Variants in AMPH observed in about 807,000 individuals in gnomAD.
AMPH encodes the protein amphiphysin.
Under a neutral mutation model 99.1 loss-of-function variants are expected in AMPH, and 49 were observed. That is an observed-to-expected ratio of 0.49 (90% CI 0.39 to 0.63). The LOEUF (loss-of-function observed/expected upper bound fraction) is 0.63. Among genes scored for constraint, AMPH ranks in the 20% least tolerant of loss-of-function variants. The pLI is 0.00. For synonymous variants in AMPH, 314 were observed against 317.3 expected (o/e 0.99, Z 0.11); for missense variants, 759 against 863.4 (o/e 0.88, Z 1.52).
At chr7:38,387,641 G>T (rs1293824549) in intron 20 of AMPH, among the ~76,000 whole-genome samples, 1 of 151,844 alleles carries the variant, frequency 6.6e-6, no homozygotes, top group Non-Finnish European at 1.5e-5. Flanking sequence ...CTATCAAGAA[G>T]TCCAACTTAA....
intron 15 of AMPH, among the ~76,000 whole-genome samples, chr7:38,424,368 A>G (rs565403007): frequency 6.6e-6 from 1 of 152,372 alleles, no homozygotes; most frequent in African/African-American, 2.4e-5. Flanking sequence ...ATTTTGCAAA[A>G]ATAATTCAAA....
In AMPH at chr7:38,528,223, G is replaced by T. The variant is rs562557720; in HGVS notation, c.150+6708C>A. On this transcript the variant is annotated intron_variant, in intron 2 of 20. Coordinates refer to ENST00000356264, the MANE Select transcript of AMPH (RefSeq NM_001635.4). Reference sequence around the variant, plus strand: ...GTTTTCTTTTTTTCATACTATTGTTGTCTGGTTTTGGTATCAAGGTAATAC... The same window carrying T: ...GTTTTCTTTTTTTCATACTATTGTTTTCTGGTTTTGGTATCAAGGTAATAC... Among the ~76,000 whole-genome samples, 8 of 152,050 alleles carry T rather than the reference G, an allele frequency of 5.3e-5. No homozygotes were observed. In the South Asian group the frequency reaches 1.7e-3, roughly 32 times the overall value.
chr7:38,553,312 C>G (rs1791243324), intron 1 of AMPH, among the ~76,000 whole-genome samples: 1 of 152,196 alleles, frequency 6.6e-6, no homozygotes, highest in Admixed American at 6.5e-5. Context: ...CCTCTTGAAC[C>G]ATCTGTGCTG....
chr7:38,524,370 A>T (rs572707066), intron 2 of AMPH, among the ~76,000 whole-genome samples: 32 of 152,294 alleles, frequency 2.1e-4, no homozygotes, highest in Admixed American at 1.8e-3. Context: ...CCTTTAAAAA[A>T]CACAATTAGG....
At chr7:38,574,784 C>T (rs191226180) in intron 1 of AMPH, among the ~76,000 whole-genome samples, 85 of 151,966 alleles carry the variant, frequency 5.6e-4, no homozygotes, top group Middle Eastern at 3.4e-3. Context: ...GGCCAGGCGC[C>T]GTGGCTCACA....
intron 1 of AMPH, among the ~76,000 whole-genome samples, chr7:38,620,266 T>TCTCCTTCC (rs1254523707): frequency 4.0e-5 from 6 of 151,836 alleles, no homozygotes; most frequent in Admixed American, 1.3e-4. Flanking sequence ...TCACTCTCTC[T>TCTCCTTCC]CTCCTTCCCT....
chr7:38,534,499 C>A (rs1379525932), intron 2 of AMPH, among the ~76,000 whole-genome samples: 1 of 151,952 alleles, frequency 6.6e-6, no homozygotes, highest in Non-Finnish European at 1.5e-5. Context: ...ATGGCAAAAC[C>A]CCATCTCTAC....
intron 3 of AMPH, among the ~76,000 whole-genome samples, chr7:38,495,151 G>C (rs894053281): frequency 9.9e-5 from 15 of 152,134 alleles, no homozygotes; most frequent in Admixed American, 2.6e-4. Context: ...TGCAAAGTGT[G>C]ACTTTAATTG....
intron 2 of AMPH, among the ~76,000 whole-genome samples, chr7:38,516,666 G>C (rs1321757950): frequency 6.6e-6 from 1 of 152,222 alleles, no homozygotes; most frequent in African/African-American, 2.4e-5. Flanking sequence ...GCTGTGAGAA[G>C]AGGGCCACAG....
chr7:38,433,708 G>A (rs1297769958), intron 12 of AMPH, among the ~76,000 whole-genome samples: 1 of 44,658 alleles, frequency 2.2e-5, no homozygotes, highest in Non-Finnish European at 3.6e-5. Context: ...CTGGGCAACA[G>A]AGCGAGACTC....
At chr7:38,603,706 C>T (rs1793335007) in intron 1 of AMPH, among the ~76,000 whole-genome samples, 1 of 152,128 alleles carries the variant, frequency 6.6e-6, no homozygotes, top group South Asian at 2.1e-4. Context: ...CCCAGCATGC[C>T]AAGGGCTTGT....
intron 1 of AMPH, among the ~76,000 whole-genome samples, chr7:38,546,517 A>C (rs1285734610): frequency 6.6e-6 from 1 of 152,230 alleles, no homozygotes; most frequent in African/African-American, 2.4e-5. Context: ...TGGATATTTT[A>C]TAATAAAAAG....
intron 11 of AMPH, among the ~76,000 whole-genome samples, chr7:38,460,410 T>C (rs1787394833): frequency 6.6e-6 from 1 of 152,194 alleles, no homozygotes; most frequent in Non-Finnish European, 1.5e-5. Flanking sequence ...CACAGCACTA[T>C]TGATAACAGT....
chr7:38,390,194 T>C (rs1264826565), intron 19 of AMPH, among the ~76,000 whole-genome samples: 1 of 152,260 alleles, frequency 6.6e-6, no homozygotes, highest in African/African-American at 2.4e-5. Context: ...TTATCGCTGA[T>C]GCTTTATTAC....
At position 38,473,576 on chromosome 7, in the gene AMPH, C is replaced by T. The variant is rs1422902244; in HGVS notation, c.590+1755G>A. Among the ~76,000 whole-genome samples, 2 of 106,344 alleles carry T rather than the reference C, an allele frequency of 1.9e-5. 1 individual carries two copies. Among genetic ancestry groups the T allele is most frequent in the East Asian group, 7.2e-4 (2 of 2,764 alleles). 69.8% of individuals were successfully genotyped at this position (106,344 alleles called of 152,430 possible). A position where few individuals can be genotyped will look rare whatever the true frequency, so the allele number is the denominator to read the frequency against. On this transcript the variant is annotated intron_variant, in intron 7 of 20. Transcript: ENST00000356264. ...AAAATTAGCCGGGCGCGGTGGCGGG[C>T]GCCTGTAGTCCCAGCTACTCGGGAG...
chr7:38,484,182 A>G (rs1158701280), intron 5 of AMPH, among the ~76,000 whole-genome samples: 2 of 152,106 alleles, frequency 1.3e-5, no homozygotes, highest in African/African-American at 4.8e-5. Flanking sequence ...GAAGACAAAA[A>G]TAATCAGAAA....
At chr7:38,448,133 T>C (rs1488168183) in intron 11 of AMPH, among the ~76,000 whole-genome samples, 6 of 152,210 alleles carry the variant, frequency 3.9e-5, no homozygotes, top group Admixed American at 6.5e-5. Context: ...ACAATTACAA[T>C]GAAGCAGTGG....
intron 1 of AMPH, among the ~76,000 whole-genome samples, chr7:38,619,664 G>A (rs1489202005): frequency 4.6e-5 from 7 of 152,116 alleles, no homozygotes; most frequent in Non-Finnish European, 8.8e-5. Context: ...AAAGATTAAA[G>A]TCACATAAAA....
chr7:38,389,213 C>T (rs6972549), intron 20 of AMPH, among the ~76,000 whole-genome samples: 109,293 of 152,040 alleles, frequency 0.72, 39,576 homozygotes, highest in African/African-American at 0.75. Flanking sequence ...ATTTCAAGGG[C>T]TCACATATTT....
Sources: allele counts gnomAD v4.1 joint callset (sites outside exome capture counted in the v4.1 genomes callset), GRCh38; gene constraint gnomAD v4.1.1; transcripts MANE v1.5; gene names NCBI Gene and HGNC (gene_info 2026-07-23, HGNC 2026-07-21).